The following GRM7 variants were observed in gnomAD, a reference collection of about 807,000 sequenced individuals.
The protein encoded by GRM7 is metabotropic glutamate receptor 7.
GRM7 carries 35 observed loss-of-function variants against 84.5 expected under a neutral mutation model. The ratio of observed to expected loss-of-function variants is 0.41; its 90% CI spans 0.32 to 0.55. The LOEUF is 0.55. Among genes scored for constraint, GRM7 ranks in the 20% least tolerant of loss-of-function variants. The pLI, the probability that GRM7 is intolerant of heterozygous loss-of-function variation, is 0.19. For missense variants in GRM7, 1,003 were observed against 1,194.6 expected (o/e 0.84, Z 2.36); for synonymous variants, 487 against 455.1 (o/e 1.07, Z -0.89).
intron 2 of GRM7, among the ~76,000 whole-genome samples, chr3:7,281,272 A>G (rs573069541): frequency 6.6e-6 from 1 of 152,268 alleles, no homozygotes; most frequent in African/African-American, 2.4e-5. Flanking sequence ...TATTCTATGT[A>G]AATCTATTTT....
At position 7,387,546 on chromosome 3, in the gene GRM7, ATATTTTCTCTATTGT is replaced by A. The variant is rs879322065; in HGVS notation, c.1034-27475_1034-27461del. ...CCTTGTACCATTAATTGACTAGGAT[ATATTTTCTCTATTGT>A]TTATTTGCTGACTTTGTCAAAGATC... On this transcript the variant is annotated intron_variant, in intron 4 of 9. Coordinates refer to ENST00000357716, the MANE Select transcript of GRM7 (RefSeq NM_000844.4). Among the ~76,000 whole-genome samples, 10 of 152,186 alleles carry A rather than the reference ATATTTTCTCTATTGT, an allele frequency of 6.6e-5. No individual in the cohort carries two copies. The East Asian group carries it at 1.9e-3, about 29-fold the overall frequency.
chr3:7,067,755 G>A (rs1373103037), intron 1 of GRM7, among the ~76,000 whole-genome samples: 1 of 151,922 alleles, frequency 6.6e-6, no homozygotes, highest in Non-Finnish European at 1.5e-5. Context: ...CTTGAATAAG[G>A]CTGGGGAATA....
intron 4 of GRM7, among the ~76,000 whole-genome samples, chr3:7,365,668 C>T (rs1229610323): frequency 2.0e-4 from 22 of 110,010 alleles, no homozygotes; most frequent in South Asian, 1.9e-3. Flanking sequence ...TATATATACA[C>T]ACACGCACAC....
At chr3:6,953,007 A>C (rs567803686) in intron 1 of GRM7, among the ~76,000 whole-genome samples, 1 of 152,322 alleles carries the variant, frequency 6.6e-6, no homozygotes, top group South Asian at 2.1e-4. Context: ...ACATTCCTAC[A>C]TTATATTAGT....
intron 9 of GRM7, among the ~76,000 whole-genome samples, chr3:7,707,521 C>G (rs1701428158): frequency 6.6e-6 from 1 of 152,170 alleles, no homozygotes; most frequent in African/African-American, 2.4e-5. Context: ...GCTTAAGTGA[C>G]AGCACAATCA....
chr3:7,121,558 G>C (rs1385332656), intron 1 of GRM7, among the ~76,000 whole-genome samples: 1 of 152,202 alleles, frequency 6.6e-6, no homozygotes, highest in Non-Finnish European at 1.5e-5. Flanking sequence ...TACAACCAAA[G>C]CTTCAACATT....
chr3:7,217,119 T>C (rs991298001), intron 2 of GRM7, among the ~76,000 whole-genome samples: 4 of 152,164 alleles, frequency 2.6e-5, no homozygotes, highest in African/African-American at 9.7e-5. Flanking sequence ...ACAAAATGCC[T>C]TTTTTAATAA....
chr3:7,275,971 A>C, intron 2 of GRM7, among the ~76,000 whole-genome samples: 1 of 152,120 alleles, frequency 6.6e-6, no homozygotes, highest in Non-Finnish European at 1.5e-5. Context: ...CAGAAGGTTT[A>C]GCTCATGAGT....
intron 2 of GRM7, among the ~76,000 whole-genome samples, chr3:7,182,403 C>A (rs1335393500): frequency 6.6e-6 from 1 of 152,080 alleles, no homozygotes. Context: ...ATTTTTAAAA[C>A]ATTATTGCTT....
At chr3:7,352,057 C>CACCACACACA (rs1277659188) in intron 4 of GRM7, among the ~76,000 whole-genome samples, 94 of 136,964 alleles carry the variant, frequency 6.9e-4, no homozygotes, top group African/African-American at 2.5e-3. Flanking sequence ...CACACACACA[C>CACCACACACA]CACACACACA....
intron 7 of GRM7, among the ~76,000 whole-genome samples, chr3:7,465,151 A>G (rs1357081254): frequency 6.6e-6 from 1 of 152,082 alleles, no homozygotes; most frequent in Non-Finnish European, 1.5e-5. Flanking sequence ...CTTGGCTTGG[A>G]ACTAAGTGGG....
chr3:7,026,060 A>G (rs1695970640), intron 1 of GRM7, among the ~76,000 whole-genome samples: 1 of 152,182 alleles, frequency 6.6e-6, no homozygotes, highest in African/African-American at 2.4e-5. Flanking sequence ...CAATCACCTA[A>G]TTTATATCCT....
intron 1 of GRM7, among the ~76,000 whole-genome samples, chr3:6,890,251 A>G (rs560157214): frequency 5.9e-5 from 9 of 151,954 alleles, no homozygotes; most frequent in Non-Finnish European, 8.8e-5. Flanking sequence ...CTCTGATTTT[A>G]GTTATTCCTT....
chr3:6,956,522 G>T, intron 1 of GRM7: 1 of 454,764 alleles, frequency 2.2e-6, no homozygotes, highest in Non-Finnish European at 4.4e-6. Context: ...AAACCAGAGA[G>T]ATTTCTGTGG....
intron 4 of GRM7, among the ~76,000 whole-genome samples, chr3:7,364,926 G>T (rs775161224): frequency 6.6e-6 from 1 of 151,696 alleles, no homozygotes; most frequent in Non-Finnish European, 1.5e-5. Context: ...CACTTACCTG[G>T]TTCGCTCTCT....
At chr3:7,679,377 A>C (rs1700266431) in intron 8 of GRM7, among the ~76,000 whole-genome samples, 1 of 150,858 alleles carries the variant, frequency 6.6e-6, no homozygotes, top group African/African-American at 2.4e-5. Context: ...AACCATCCAA[A>C]CTGCAAATAA....
intron 1 of GRM7, among the ~76,000 whole-genome samples, chr3:6,919,512 A>T (rs1697051724): frequency 1.3e-5 from 2 of 151,192 alleles, no homozygotes; most frequent in Admixed American, 1.3e-4. Flanking sequence ...CTGGCCAGAA[A>T]TATATTTTAT....
intron 2 of GRM7, among the ~76,000 whole-genome samples, chr3:7,207,539 A>G (rs1259637340): frequency 6.6e-6 from 1 of 152,182 alleles, no homozygotes; most frequent in Non-Finnish European, 1.5e-5. Flanking sequence ...GCATGATATA[A>G]TACCCTAACA....
intron 9 of GRM7, among the ~76,000 whole-genome samples, chr3:7,730,615 T>A (rs1702293736): frequency 1.3e-5 from 2 of 152,220 alleles, no homozygotes; most frequent in Non-Finnish European, 2.9e-5. Context: ...AGACTATGAA[T>A]GTCTTATCCA....
Sources: gnomAD v4.1 joint callset for allele counts (sites outside exome capture counted in the v4.1 genomes callset) on GRCh38, gnomAD v4.1.1 for gene constraint, MANE v1.5 for transcripts, NCBI Gene and HGNC (gene_info 2026-07-23, HGNC 2026-07-21) for gene names.